The following USP34 variants were observed in gnomAD, a reference collection of about 807,000 sequenced individuals.
The protein encoded by USP34 is ubiquitin specific peptidase 34, also known as ubiquitin carboxyl-terminal hydrolase 34.
A neutral mutation model predicts 460.3 loss-of-function variants in USP34; 70 were observed. The ratio of observed to expected loss-of-function variants is 0.15; its 90% CI spans 0.13 to 0.19. The LOEUF (loss-of-function observed/expected upper bound fraction) is 0.19. Ranked by LOEUF, USP34 falls within the 10% of genes least tolerant of loss-of-function variation. The pLI, the probability that USP34 is intolerant of heterozygous loss-of-function variation, is 1.00. For synonymous variants in USP34, 1,647 were observed against 1,405.3 expected, an observed-to-expected ratio of 1.17 and a Z score of -3.85; for missense variants, 3,985 against 4,236.2, an observed-to-expected ratio of 0.94 and a Z score of 1.65.
intron 1 of USP34, among the ~76,000 whole-genome samples, chr2:61,443,411 T>C (rs910365938): frequency 2.6e-5 from 4 of 151,640 alleles, no homozygotes; most frequent in African/African-American, 9.7e-5. Context: ...AAAAAATCAC[T>C]ACATATCCCA....
At chr2:61,339,963 A>C (rs1164645412) in intron 16 of USP34, among the ~76,000 whole-genome samples, 1 of 152,010 alleles carries the variant, frequency 6.6e-6, no homozygotes, top group Non-Finnish European at 1.5e-5. Flanking sequence ...AAGCCACTGC[A>C]CCCAGCATGG....
In USP34 at chr2:61,396,533, G is replaced by A. The variant is rs371976166; in HGVS notation, c.553-1300C>T. 1.4e-4 allele frequency among the ~76,000 whole-genome samples: 21 copies of A among 151,680 alleles called. No individual in the cohort carries two copies. In the East Asian group the frequency reaches 3.7e-3, roughly 27 times the overall value. On this transcript the variant is annotated intron_variant, in intron 3 of 79. Transcript: ENST00000398571. ...AGACGGAGTCTCGCACTGTCGCTCA[G>A]GCTGGAGTGCAGGAGCATGATCTCG... is the stretch of plus-strand genomic sequence containing the variant.
chr2:61,397,594 C>T (rs1693575488), intron 3 of USP34, among the ~76,000 whole-genome samples: 2 of 152,050 alleles, frequency 1.3e-5, no homozygotes, highest in Admixed American at 1.3e-4. Flanking sequence ...GGTGAAACCG[C>T]GTCTCTACTA....
chr2:61,207,841 A>T (rs1355106205), intron 70 of USP34: 1 of 152,116 alleles, frequency 6.6e-6, no homozygotes, highest in Non-Finnish European at 1.5e-5. Flanking sequence ...CATTTATCTA[A>T]ATGTTTTCCC....
At chr2:61,211,744 C>G (rs566378323) in intron 69 of USP34, 28 bp downstream of exon 69, 1 of 1,534,444 alleles carries the variant, frequency 6.5e-7, no homozygotes, top group Non-Finnish European at 8.7e-7. Context: ...TGGAAATAAA[C>G]AAGACAAAAC....
chr2:61,365,578 G>A (rs1692412169), intron 10 of USP34, among the ~76,000 whole-genome samples: 1 of 152,086 alleles, frequency 6.6e-6, no homozygotes, highest in Non-Finnish European at 1.5e-5. Flanking sequence ...AACCTACTCT[G>A]TGAAATCCAT....
intron 10 of USP34, among the ~76,000 whole-genome samples, chr2:61,351,426 T>G (rs1277949955): frequency 6.6e-6 from 1 of 151,998 alleles, no homozygotes; most frequent in Non-Finnish European, 1.5e-5. Context: ...AGGGACAATA[T>G]TTATGAAGAT....
intron 15 of USP34, among the ~76,000 whole-genome samples, chr2:61,345,401 T>C (rs1312245405): frequency 2.0e-5 from 3 of 152,156 alleles, no homozygotes; most frequent in Non-Finnish European, 2.9e-5. Flanking sequence ...TGTATAGATA[T>C]GTAGAGTTCA....
chr2:61,204,312 G>A lies in USP34; in HGVS notation c.9328C>T (p.Pro3110Ser). ...KLIGGKSNIR[P>S]PRPELNMCLL... is the part of the protein sequence containing the mutation. ...CACATATTGAGTTCAGGGCGCGGAG[G>A]CCGAATATTGCTTTTCCCTCCTATT... The change falls in exon 74 of 80, where the codon CCT becomes TCT. Residue 3110 changes from proline (P) to serine (S), a missense_variant. By Grantham distance (74) the Pro-to-Ser change is moderately conservative. This residue lies in a region of USP34 where 275 missense variants were observed against 292.7 expected (regional missense o/e 0.94). Coordinates refer to ENST00000398571, the MANE Select transcript of USP34 (RefSeq NM_014709.4). 1 of 1,614,184 alleles carries A rather than the reference G, an allele frequency of 6.2e-7. No individual in the cohort carries two copies. The highest frequency in any genetic ancestry group is 8.5e-7 in the Non-Finnish European group (1 of 1,180,040).
At chr2:61,467,617 G>GTTTTTTT (rs3980937) in intron 1 of USP34, among the ~76,000 whole-genome samples, 17 of 106,036 alleles carry the variant, frequency 1.6e-4, no homozygotes, top group Admixed American at 2.4e-4. Flanking sequence ...CTGTAACTTT[G>GTTTTTTT]TTTTTTTTTT....
intron 3 of USP34, 70 bp from the exon 4 acceptor site, chr2:61,395,303 A>C: frequency 3.1e-6 from 3 of 962,636 alleles, no homozygotes; most frequent in Non-Finnish European, 4.8e-6. Context: ...CAATTCTATA[A>C]AAGACTGATT....
intron 2 of USP34, among the ~76,000 whole-genome samples, chr2:61,406,517 A>G (rs936048963): frequency 6.6e-6 from 1 of 152,110 alleles, no homozygotes; most frequent in African/African-American, 2.4e-5. Flanking sequence ...TATTTAATAT[A>G]AGGAATTTTG....
intron 48 of USP34, among the ~76,000 whole-genome samples, chr2:61,255,692 A>T (rs1159482577): frequency 6.6e-6 from 1 of 152,218 alleles, no homozygotes; most frequent in African/African-American, 2.4e-5. Context: ...AACAATTCAT[A>T]AGTGGTGTGG....
chr2:61,229,472 AAAAC>A, intron 59 of USP34, 72 bp downstream of exon 59: 34 of 695,030 alleles, frequency 4.9e-5, no homozygotes, highest in East Asian at 8.5e-5. Context: ...AAAAAAAAAA[AAAAC>A]AAAAAAAAAA....
chr2:61,452,175 A>G (rs1019813331), intron 1 of USP34, among the ~76,000 whole-genome samples: 5 of 148,134 alleles, frequency 3.4e-5, no homozygotes, highest in East Asian at 2.0e-4. Context: ...CTCCGTCTCA[A>G]AAAAAAAAAA....
At chr2:61,402,629 T>C (rs1444934827) in intron 3 of USP34, among the ~76,000 whole-genome samples, 1 of 152,200 alleles carries the variant, frequency 6.6e-6, no homozygotes, top group Non-Finnish European at 1.5e-5. Context: ...TACTAACACA[T>C]GAGTTTTGAA....
intron 29 of USP34, among the ~76,000 whole-genome samples, chr2:61,298,409 G>A (rs1012116637): frequency 2.0e-5 from 3 of 147,210 alleles, no homozygotes; most frequent in Admixed American, 1.4e-4. Flanking sequence ...GTGGTGGCGT[G>A]CGCCTGTAGT....
intron 78 of USP34, 194 bp from the exon 79 acceptor site, chr2:61,189,263 T>C: frequency 1.8e-6 from 1 of 544,732 alleles, no homozygotes; most frequent in Non-Finnish European, 3.0e-6. Flanking sequence ...TTAGTTGTTT[T>C]TTTTTTTTGT....
intron 5 of USP34, among the ~76,000 whole-genome samples, chr2:61,392,568 G>A (rs1693382270): frequency 6.6e-6 from 1 of 152,082 alleles, no homozygotes; most frequent in South Asian, 2.1e-4. Context: ...ATGCTGCAGT[G>A]AGCCAAGATG....
Sources: gnomAD v4.1 joint callset for allele counts (sites outside exome capture counted in the v4.1 genomes callset) on GRCh38, gnomAD v4.1.1 for gene constraint, gnomAD v4.1.1 regional missense constraint, MANE v1.5 for transcripts, NCBI Gene and HGNC (gene_info 2026-07-23, HGNC 2026-07-21) for gene names.